CDC42: variants seen among roughly 807,000 people sequenced by gnomAD.
CDC42 encodes cell division control protein 42 homolog.
In CDC42, 1 loss-of-function variant was observed where a neutral mutation model predicts 20.8. The observed-to-expected ratio is 0.05, with a 90% CI of 0.02 to 0.23. CDC42 has a LOEUF of 0.23. CDC42 is among the 10% of genes least tolerant of loss of function. CDC42 has a pLI of 1.00. For missense variants in CDC42, 49 were observed against 227.9 expected (o/e 0.21, Z 5.05); for synonymous variants, 72 against 84.8 (o/e 0.85, Z 0.83).
chr1:22,059,544 C>G (rs1042725861), intron 1 of CDC42: 1 of 122,610 alleles, frequency 8.2e-6, no homozygotes, highest in Non-Finnish European at 1.7e-5. Context: ...AAAATTATTG[C>G]TATTTTTCTT....
rs1455793957 is a variant in CDC42 at position 22,094,540 on chromosome 1, G to T, written c.*3023G>T. On this transcript the variant is annotated 3_prime_UTR_variant, in exon 6 of 6. Transcript: ENST00000656825. Reference sequence around the variant, plus strand: ...TCTCGATCTCCTGACCTCGTGATCCGCCCGCCTCGGCCTCCCAAAGTGCTG... The same window carrying T: ...TCTCGATCTCCTGACCTCGTGATCCTCCCGCCTCGGCCTCCCAAAGTGCTG... 1.4e-5 allele frequency among the ~76,000 whole-genome samples: 2 copies of T among 147,764 alleles called. No individual in the cohort carries two copies. The highest frequency in any genetic ancestry group is 5.3e-5 in the African/African-American group (2 of 37,878).
In CDC42 at chr1:22,094,293, G is replaced by T. The variant is rs116591804; in HGVS notation, c.*2776G>T. Among the ~76,000 whole-genome samples, 3,285 of 27,590 alleles carry T rather than the reference G, an allele frequency of 0.12. 117 individuals carry two copies. Among genetic ancestry groups the T allele is most frequent in the Non-Finnish European group, 0.15 (2,492 of 16,808 alleles). 18.1% of individuals were successfully genotyped at this position (27,590 alleles called of 152,430 possible). Reference sequence around the variant, plus strand: ...TGTTTTACTGAACATCCTAGAAATAGATTTTTTTTTTTTTTTTTTTTTGAG... The same window carrying T: ...TGTTTTACTGAACATCCTAGAAATATATTTTTTTTTTTTTTTTTTTTTGAG... On this transcript the variant is annotated 3_prime_UTR_variant, in exon 6 of 6. Coordinates refer to ENST00000656825, the MANE Select transcript of CDC42 (RefSeq NM_001791.4).
chr1:22,061,532 C>CTTTTTTTTTT (rs555957608), intron 1 of CDC42, among the ~76,000 whole-genome samples: 1 of 36,238 alleles, frequency 2.8e-5, no homozygotes, highest in African/African-American at 1.0e-4. Flanking sequence ...ATGTTTCTTT[C>CTTTTTTTTTT]TTTTTTTTTT....
At chr1:22,078,858 G>A (rs1379554458) in intron 2 of CDC42, 1 of 1,312,038 alleles carries the variant, frequency 7.6e-7, no homozygotes, top group African/African-American at 1.5e-5. Context: ...ATTTGGTGAA[G>A]TATGCCCTAC....
chr1:22,087,713 G>A (rs1339954827), intron 5 of CDC42, among the ~76,000 whole-genome samples: 3 of 152,162 alleles, frequency 2.0e-5, no homozygotes, highest in African/African-American at 4.8e-5. Flanking sequence ...AGATTGAAGG[G>A]TGGAGGTTTC....
rs1645279097 is a variant in CDC42 at position 22,054,896 on chromosome 1, T to TAC, written c.-51+2155_-51+2156insCA. ...TAACAGTAGTTTGAATTTATGTATA[T>TAC]ATATATATATATATATATATATATA... is the stretch of plus-strand genomic sequence containing the variant. On this transcript the variant is annotated intron_variant, in intron 1 of 5. Transcript: ENST00000656825. Among the ~76,000 whole-genome samples the TAC allele has an allele frequency of 3.0e-4, 2 of 6,776 alleles. 1 individual carries two copies. Among genetic ancestry groups the TAC allele is most frequent in the Non-Finnish European group, 9.3e-4 (2 of 2,154 alleles). 4.4% of individuals were successfully genotyped at this position (6,776 alleles called of 152,430 possible). A position where few individuals can be genotyped will look rare whatever the true frequency, so the allele number is the denominator to read the frequency against.
rs928127928 is a variant in CDC42, at chr1:22,096,251, G to C, written c.*4734G>C. ...TGGGATTATAGGCATGAGTCACTGCGCCCGGCCTATTCATTCATTCTTACA... is the reference window on the plus strand; with the variant it reads ...TGGGATTATAGGCATGAGTCACTGCCCCCGGCCTATTCATTCATTCTTACA... On this transcript the variant is annotated 3_prime_UTR_variant, in exon 6 of 6. Coordinates refer to ENST00000656825, the MANE Select transcript of CDC42 (RefSeq NM_001791.4). Among the ~76,000 whole-genome samples the C allele has an allele frequency of 6.6e-6, 1 of 152,000 alleles. No homozygotes were observed. The highest frequency in any genetic ancestry group is 2.4e-5 in the African/African-American group (1 of 41,364).
intron 1 of CDC42, among the ~76,000 whole-genome samples, chr1:22,067,987 G>A (rs1267860790): frequency 1.3e-5 from 2 of 152,082 alleles, no homozygotes; most frequent in African/African-American, 4.8e-5. Flanking sequence ...TGGCTGAGAT[G>A]GGAGGATCCC....
In CDC42 at chr1:22,095,510, C is replaced by T. The variant is rs983046541; in HGVS notation, c.*3993C>T. ...GGTCTCGATCTCCTGACCTCGTGATCCGCCCGCCTTGGCCTCCCAAAGTGC... is the reference window on the plus strand; with the variant it reads ...GGTCTCGATCTCCTGACCTCGTGATTCGCCCGCCTTGGCCTCCCAAAGTGC... On this transcript the variant is annotated 3_prime_UTR_variant, in exon 6 of 6. Transcript: ENST00000656825. Among the ~76,000 whole-genome samples the T allele has an allele frequency of 5.9e-5, 9 of 152,138 alleles. No individual in the cohort carries two copies. Among genetic ancestry groups the T allele is most frequent in the Non-Finnish European group, 1.2e-4 (8 of 68,028 alleles).
intron 2 of CDC42, chr1:22,078,908 A>G: frequency 3.6e-6 from 4 of 1,096,798 alleles, no homozygotes; most frequent in Non-Finnish European, 4.6e-6. Flanking sequence ...TTTTTTTGAT[A>G]TTTTGGCCAA....
rs1039557107 is a variant in CDC42 at position 22,093,604 on chromosome 1, T to C, written c.*2087T>C. On this transcript the variant is annotated 3_prime_UTR_variant, in exon 6 of 6. Coordinates refer to ENST00000656825, the MANE Select transcript of CDC42 (RefSeq NM_001791.4). ...CATTTTGATAGTTCTCTGCATGGAG[T>C]CATGTTTGGCATGATTTGCATACTG... Among the ~76,000 whole-genome samples the C allele has an allele frequency of 4.6e-5, 7 of 152,102 alleles. No individual in the cohort carries two copies. The highest frequency in any genetic ancestry group is 4.6e-4 in the Admixed American group (7 of 15,270).
At chr1:22,076,930 C>G (rs1645558027) in intron 1 of CDC42, among the ~76,000 whole-genome samples, 1 of 152,058 alleles carries the variant, frequency 6.6e-6, no homozygotes, top group Non-Finnish European at 1.5e-5. Context: ...GAGTGGATTG[C>G]TTGAGTCCAG....
At position 22,095,301 on chromosome 1, in the gene CDC42, G is replaced by A. The variant is rs760511005; in HGVS notation, c.*3784G>A. Among the ~76,000 whole-genome samples the A allele has an allele frequency of 1.3e-5, 2 of 151,782 alleles. No individual in the cohort carries two copies. Among genetic ancestry groups the A allele is most frequent in the African/African-American group, 4.8e-5 (2 of 41,304 alleles). On this transcript the variant is annotated 3_prime_UTR_variant, in exon 6 of 6. Coordinates refer to ENST00000656825, the MANE Select transcript of CDC42 (RefSeq NM_001791.4). Reference sequence around the variant, plus strand: ...ACTTTTTTTTTTGAGATGGAGTCTCGTTCTGTCGCCCAGGCTGGAGTGCAG... The same window carrying A: ...ACTTTTTTTTTTGAGATGGAGTCTCATTCTGTCGCCCAGGCTGGAGTGCAG...
chr1:22,054,915 ATATATATT>A (rs1645283173), intron 1 of CDC42, among the ~76,000 whole-genome samples: 1 of 14,694 alleles, frequency 6.8e-5, no homozygotes, highest in African/African-American at 1.8e-4. Flanking sequence ...ATATATATAT[ATATATATT>A]TTTTTTTTTT....
rs1474535969 is a variant in CDC42 at position 22,065,673 on chromosome 1, G to T, written c.-50-12756G>T. Among the ~76,000 whole-genome samples the T allele has an allele frequency of 3.3e-5, 5 of 151,360 alleles. No homozygotes were observed. The Admixed American group carries it at 3.3e-4, about 10-fold the overall frequency. Reference sequence around the variant, plus strand: ...TCAATTTGTAGACGAGAAAGTTAAGGCATAGAAGTGAAGTAACTTGCCAGG... The same window carrying T: ...TCAATTTGTAGACGAGAAAGTTAAGTCATAGAAGTGAAGTAACTTGCCAGG... On this transcript the variant is annotated intron_variant, in intron 1 of 5. Coordinates refer to ENST00000656825, the MANE Select transcript of CDC42 (RefSeq NM_001791.4).
intron 1 of CDC42, among the ~76,000 whole-genome samples, chr1:22,074,812 C>CA (rs1404169530): frequency 1.3e-5 from 2 of 152,144 alleles, no homozygotes; most frequent in Non-Finnish European, 2.9e-5. Flanking sequence ...TTCCACAAAA[C>CA]AGAGTTGAGC....
rs1329407193 is a variant in CDC42 at position 22,094,885 on chromosome 1, C to G, written c.*3368C>G. 6.6e-6 allele frequency among the ~76,000 whole-genome samples: 1 copy of G among 152,120 alleles called. No individual in the cohort carries two copies. The highest frequency in any genetic ancestry group is 1.5e-5 in the Non-Finnish European group (1 of 67,996). ...ATAGAATGCTTAAATAGTGGTACTTCTTTGACTTGTTAGGTTTGGACTATT... is the reference window on the plus strand; with the variant it reads ...ATAGAATGCTTAAATAGTGGTACTTGTTTGACTTGTTAGGTTTGGACTATT... On this transcript the variant is annotated 3_prime_UTR_variant, in exon 6 of 6. Coordinates refer to ENST00000656825, the MANE Select transcript of CDC42 (RefSeq NM_001791.4).
chr1:22,090,233 T>G, intron 5 of CDC42: 7 of 1,269,494 alleles, frequency 5.5e-6, no homozygotes, highest in Non-Finnish European at 7.0e-6. Context: ...CAAGTTGGAC[T>G]TGTTTTAACG....
intron 1 of CDC42, among the ~76,000 whole-genome samples, chr1:22,054,931 T>A (rs1255764770): frequency 0.026 from 243 of 9,400 alleles, 11 homozygotes; most frequent in Non-Finnish European, 0.029. Context: ...ATTTTTTTTT[T>A]TTTTTTTTTT....
Sources: allele counts gnomAD v4.1 joint callset (sites outside exome capture counted in the v4.1 genomes callset), GRCh38; gene constraint gnomAD v4.1.1; transcripts MANE v1.5; gene names NCBI Gene and HGNC (gene_info 2026-07-23, HGNC 2026-07-21).